Variants in OOSP1 observed in about 807,000 individuals in gnomAD.
The protein encoded by OOSP1 is oocyte secreted protein 1, also known as putative oocyte-secreted protein 1 homolog.
Under a neutral mutation model 5.7 loss-of-function variants are expected in OOSP1, and 11 were observed. The ratio of observed to expected loss-of-function variants is 1.94; its 90% confidence interval spans 1.22 to 3.20. The LOEUF (loss-of-function observed/expected upper bound fraction) is 3.20. Among genes scored for constraint, OOSP1 ranks in the 30% most tolerant of loss-of-function variants. OOSP1 has a pLI of 0.00. For missense variants in OOSP1, 83 were observed against 54.1 expected (o/e 1.53, Z -1.67); for synonymous variants, 44 against 20.0 (o/e 2.20, Z -3.20).
chr11:59,948,662 A>T (rs1853911115), intron 4 of OOSP1: 1 of 397,358 alleles, frequency 2.5e-6, no homozygotes, highest in Non-Finnish European at 4.4e-6. Context: ...AGTAATGTTT[A>T]CATTGGGACG....
At chr11:59,940,661 G>T (rs1035769411) in intron 1 of OOSP1, among the ~76,000 whole-genome samples, 7 of 152,130 alleles carry the variant, frequency 4.6e-5, no homozygotes. Flanking sequence ...AATAATGTTT[G>T]TATTTGAGTG....
chr11:59,943,147 G>T (rs1853848503), intron 2 of OOSP1, 119 bp downstream of exon 2: 2 of 342,930 alleles, frequency 5.8e-6, no homozygotes, highest in East Asian at 1.1e-4. Context: ...GTGGTGTTTG[G>T]TTTTTTGTCC....
At chr11:59,953,278 C>T (rs182762287) in intron 4 of OOSP1, among the ~76,000 whole-genome samples, 111 of 152,180 alleles carry the variant, frequency 7.3e-4, no homozygotes, top group African/African-American at 2.4e-3. Flanking sequence ...AGCAACTTTT[C>T]CCCTGTTGGC....
exon 2 of OOSP1, chr11:59,942,948 G>A: frequency 1.4e-6 from 1 of 702,984 alleles, no homozygotes; most frequent in Admixed American, 2.0e-5. Context: ...TCTAGGAGAT[G>A]GCTGCCATGT....
chr11:59,954,839 T>C (rs1023261580), intron 4 of OOSP1, among the ~76,000 whole-genome samples: 1 of 152,144 alleles, frequency 6.6e-6, no homozygotes, highest in African/African-American at 2.4e-5. Flanking sequence ...TCTATACTTG[T>C]CAAATTCTGA....
chr11:59,955,001 C>G (rs1338149332), intron 4 of OOSP1, among the ~76,000 whole-genome samples: 3 of 151,796 alleles, frequency 2.0e-5, no homozygotes, highest in Admixed American at 2.0e-4. Context: ...AGGTGCTATA[C>G]AAACATGAAA....
intron 1 of OOSP1, among the ~76,000 whole-genome samples, chr11:59,942,636 G>T (rs1176704827): frequency 2.0e-5 from 3 of 152,226 alleles, no homozygotes; most frequent in Middle Eastern, 3.4e-3. Context: ...ATTCACTAAA[G>T]AATGTATTTG....
chr11:59,956,251 G>A (rs1853992956), intron 4 of OOSP1, among the ~76,000 whole-genome samples: 1 of 150,768 alleles, frequency 6.6e-6, no homozygotes, highest in African/African-American at 2.4e-5. Flanking sequence ...TTAGTTCAAG[G>A]TGGGTTGTGA....
intron 4 of OOSP1, among the ~76,000 whole-genome samples, chr11:59,950,767 G>A (rs1853932294): frequency 6.6e-6 from 1 of 152,138 alleles, no homozygotes. Context: ...AAACCCAAAG[G>A]TATGAGTACA....
intron 4 of OOSP1, chr11:59,948,934 C>T (rs1853913831): frequency 2.5e-6 from 1 of 394,700 alleles, no homozygotes; most frequent in South Asian, 1.4e-4. Context: ...AAATAAAAAG[C>T]AGGCTGCCTT....
intron 1 of OOSP1, among the ~76,000 whole-genome samples, chr11:59,941,527 G>A (rs183805909): frequency 3.7e-4 from 56 of 151,902 alleles, no homozygotes; most frequent in Admixed American, 7.9e-4. Flanking sequence ...TTACAGGCAC[G>A]TGCCACCATG....
chr11:59,952,479 T>C (rs1853949955), intron 4 of OOSP1, among the ~76,000 whole-genome samples: 1 of 152,164 alleles, frequency 6.6e-6, no homozygotes, highest in African/African-American at 2.4e-5. Flanking sequence ...ATAATGTCTT[T>C]TGCAGGAACT....
At chr11:59,943,433 C>T (rs1325190797) in intron 2 of OOSP1, among the ~76,000 whole-genome samples, 2 of 152,132 alleles carry the variant, frequency 1.3e-5, no homozygotes, top group South Asian at 2.1e-4. Context: ...CATTAAGTGT[C>T]TATTTGTAAT....
chr11:59,949,666 A>T (rs1020439306), intron 4 of OOSP1, among the ~76,000 whole-genome samples: 4 of 152,046 alleles, frequency 2.6e-5, no homozygotes, highest in Admixed American at 6.6e-5. Flanking sequence ...CTCAAAGTTG[A>T]TTGACACACT....
At chr11:59,947,413 G>T (rs1029108197) in intron 3 of OOSP1, among the ~76,000 whole-genome samples, 1 of 152,088 alleles carries the variant, frequency 6.6e-6, no homozygotes, top group Admixed American at 6.6e-5. Flanking sequence ...CCCAGCTATG[G>T]TGGTAGATAC....
intron 3 of OOSP1, among the ~76,000 whole-genome samples, chr11:59,947,038 G>A (rs1467101124): frequency 6.6e-6 from 1 of 151,558 alleles, no homozygotes; most frequent in African/African-American, 2.4e-5. Context: ...ATTTTGATTA[G>A]GTCTTAGCAA....
In OOSP1 at chr11:59,948,276, CA is replaced by C. The variant is rs61019336; in HGVS notation, c.486+415del. On this transcript the variant is annotated intron_variant, in intron 4 of 4. Coordinates refer to ENST00000646685, the Ensembl canonical transcript of OOSP1. Reference sequence around the variant, plus strand: ...TCAGAAGTGTCATAAGTCTGTGTTGCAGCTTTTCCCAGGAAGTACCAAATGA... The same window carrying C: ...TCAGAAGTGTCATAAGTCTGTGTTGCGCTTTTCCCAGGAAGTACCAAATGA... Among the ~76,000 whole-genome samples, 286 of 152,242 alleles carry C rather than the reference CA, an allele frequency of 1.9e-3. 4 individuals carry two copies. Among genetic ancestry groups the C allele is most frequent in the African/African-American group, 6.1e-3 (254 of 41,544 alleles).
chr11:59,954,971 TA>T (rs1853979915), intron 4 of OOSP1, among the ~76,000 whole-genome samples: 1 of 152,066 alleles, frequency 6.6e-6, no homozygotes, highest in South Asian at 2.1e-4. Flanking sequence ...ATCCTTTTGT[TA>T]GACAAAGAGA....
At chr11:59,955,725 G>A (rs1480620964) in intron 4 of OOSP1, among the ~76,000 whole-genome samples, 3 of 151,906 alleles carry the variant, frequency 2.0e-5, no homozygotes, top group Admixed American at 6.6e-5. Flanking sequence ...AGTGCTCAGT[G>A]GGCTCAAGCA....
Sources: allele counts gnomAD v4.1 joint callset (sites outside exome capture counted in the v4.1 genomes callset), GRCh38; gene constraint gnomAD v4.1.1; transcripts MANE v1.5; gene names NCBI Gene and HGNC (gene_info 2026-07-23, HGNC 2026-07-21).